NAA40: variants seen among roughly 807,000 people sequenced by gnomAD.
The protein encoded by NAA40 is N-alpha-acetyltransferase 40, NatD catalytic subunit, also known as N-alpha-acetyltransferase 40.
A neutral mutation model predicts 36.6 loss-of-function variants in NAA40; 26 were observed. That is an observed-to-expected ratio of 0.71 (90% confidence interval 0.52 to 0.98). The LOEUF (loss-of-function observed/expected upper bound fraction) is 0.98. NAA40 is among the 50% of genes least tolerant of loss of function. NAA40 has a pLI of 0.00. For missense variants in NAA40, 237 were observed against 306.5 expected, an observed-to-expected ratio of 0.77 and a Z score of 1.69; for synonymous variants, 129 against 108.4, an observed-to-expected ratio of 1.19 and a Z score of -1.18.
chr11:63,939,232 A>T, intron 1 of NAA40, 130 bp downstream of exon 1: 1 of 1,068,516 alleles, frequency 9.4e-7, no homozygotes, highest in Non-Finnish European at 1.2e-6. Flanking sequence ...TGACCCCCAC[A>T]TGACCCGACT....
chr11:63,956,058 G>A lies in NAA40; in HGVS notation c.*1579G>A, dbSNP rs1001333055. ...GATTCCTGCTTGTGCAGGAGCCTGT[G>A]TACACAGGGCCTCCCTCACCCAGCC... On this transcript the variant is annotated 3_prime_UTR_variant, in exon 8 of 8. Coordinates refer to ENST00000377793, the MANE Select transcript of NAA40 (RefSeq NM_024771.4). The A allele has an allele frequency of 1.2e-4, 18 of 152,716 alleles. No homozygotes were observed. The highest frequency in any genetic ancestry group is 4.1e-4 in the African/African-American group (17 of 41,434). 9.5% of individuals were successfully genotyped at this position (152,716 alleles called of 1,614,324 possible). A position where few individuals can be genotyped will look rare whatever the true frequency, so the allele number is the denominator to read the frequency against.
chr11:63,954,398 T>C lies in NAA40; in HGVS notation c.633T>C (p.Tyr211=). ...GTTGCTGTGGGGAGGATTGCTCCTA[T>C]GAGATCCTGAGCCGGAGGACCAAGT... ...MSGCCGEDCS[Y]EILSRRTKFG... Residue 211 remains tyrosine (Y), a synonymous_variant, in exon 8 of 8, where the codon TAT becomes TAC. Coordinates refer to ENST00000377793, the MANE Select transcript of NAA40 (RefSeq NM_024771.4). The C allele has an allele frequency of 1.2e-6, 2 of 1,610,540 alleles. No individual in the cohort carries two copies. The highest frequency in any genetic ancestry group is 1.7e-6 in the Non-Finnish European group (2 of 1,177,296).
intron 3 of NAA40, 79 bp from the exon 4 acceptor site, chr11:63,952,159 T>C (rs1456682412): frequency 4.4e-6 from 5 of 1,133,874 alleles, no homozygotes; most frequent in African/African-American, 1.5e-5. Context: ...CCTTCCTCCC[T>C]GTGATTCTGA....
chr11:63,939,023 G>A lies in NAA40; in HGVS notation c.-74G>A, dbSNP rs1942060850. The A allele has an allele frequency of 3.9e-6, 6 of 1,524,360 alleles. No homozygotes were observed. The highest frequency in any genetic ancestry group is 4.5e-6 in the Non-Finnish European group (5 of 1,119,684). 94.4% of individuals were successfully genotyped at this position (1,524,360 alleles called of 1,614,324 possible). On this transcript the variant is annotated 5_prime_UTR_variant, in exon 1 of 8. Transcript: ENST00000377793. The stretch of plus-strand genomic sequence containing the variant: ...GGCCGTCCGCTCTGCTGCCGCCGCT[G>A]TTGCAGCCACCGCCGTTGCCGCCTC...
chr11:63,948,171 C>G (rs1281487151), intron 3 of NAA40, among the ~76,000 whole-genome samples: 2 of 152,118 alleles, frequency 1.3e-5, no homozygotes, highest in Non-Finnish European at 2.9e-5. Flanking sequence ...CTCTTCAGGA[C>G]TGATTATTCT....
intron 3 of NAA40, among the ~76,000 whole-genome samples, chr11:63,949,177 C>T (rs750348831): frequency 6.6e-6 from 1 of 152,038 alleles, no homozygotes; most frequent in East Asian, 1.9e-4. Flanking sequence ...CAGCAAGATC[C>T]TGTCTCAAAA....
At chr11:63,949,424 A>G (rs1485704458) in intron 3 of NAA40, among the ~76,000 whole-genome samples, 3 of 152,150 alleles carry the variant, frequency 2.0e-5, no homozygotes, top group Non-Finnish European at 4.4e-5. Context: ...ATCGTACCCA[A>G]TAGGTAAATT....
At position 63,939,014 on chromosome 11, in the gene NAA40, G is replaced by A. The variant is rs1590746627; in HGVS notation, c.-83G>A. The A allele has an allele frequency of 2.1e-6, 3 of 1,419,026 alleles. No individual in the cohort carries two copies. The highest frequency in any genetic ancestry group is 1.9e-6 in the Non-Finnish European group (2 of 1,030,966). 87.9% of individuals were successfully genotyped at this position (1,419,026 alleles called of 1,614,324 possible). On this transcript the variant is annotated 5_prime_UTR_variant, in exon 1 of 8. Transcript: ENST00000377793. ...GCGTTGCAGGGCCGTCCGCTCTGCT[G>A]CCGCCGCTGTTGCAGCCACCGCCGT...
At chr11:63,949,752 T>TC (rs982772815) in intron 3 of NAA40, among the ~76,000 whole-genome samples, 2 of 149,672 alleles carry the variant, frequency 1.3e-5, no homozygotes, top group African/African-American at 4.9e-5. Context: ...TGTTTTTTTT[T>TC]TTTTTTTTTT....
Position 63,957,022 on chromosome 11 carries a change from GTGTTT to G in NAA40, c.*2549_*2553del, listed in dbSNP as rs1378810774. 1 of 151,082 alleles carries G rather than the reference GTGTTT, an allele frequency of 6.6e-6. No individual in the cohort carries two copies. 9.4% of individuals were successfully genotyped at this position (151,082 alleles called of 1,614,324 possible). A position where few individuals can be genotyped will look rare whatever the true frequency, so the allele number is the denominator to read the frequency against. On this transcript the variant is annotated 3_prime_UTR_variant, in exon 8 of 8. Transcript: ENST00000377793. ...GCAGGCCTTTTTTACCAGGCTTTTT[GTGTTT>G]TGTTTGTTTGTTTGGAGCATGTTAA... is the stretch of plus-strand genomic sequence containing the variant.
chr11:63,942,264 A>G (rs1209588907), intron 1 of NAA40, among the ~76,000 whole-genome samples: 1 of 152,172 alleles, frequency 6.6e-6, no homozygotes, highest in African/African-American at 2.4e-5. Flanking sequence ...CAGGTTTCTC[A>G]TCAAAGAAGT....
At position 63,939,031 on chromosome 11, in the gene NAA40, C is replaced by T. The variant is rs1942061365; in HGVS notation, c.-66C>T. 3.8e-6 allele frequency: 6 copies of T among 1,581,194 alleles called. No homozygotes were observed. The highest frequency in any genetic ancestry group is 5.2e-6 in the Non-Finnish European group (6 of 1,162,376). On this transcript the variant is annotated 5_prime_UTR_variant, in exon 1 of 8. Transcript: ENST00000377793. ...GCTCTGCTGCCGCCGCTGTTGCAGC[C>T]ACCGCCGTTGCCGCCTCCCTGCCGG...
chr11:63,953,880 T>G (rs1031195652), intron 6 of NAA40, 92 bp from the exon 7 acceptor site: 1 of 1,085,586 alleles, frequency 9.2e-7, no homozygotes, highest in Non-Finnish European at 1.4e-6. Context: ...TCCTCCCACC[T>G]TTGCCCCTCA....
rs369411771 is a variant in NAA40 at position 63,952,729 on chromosome 11, G to A, written c.411-27G>A. ...AGCCTCTTCATGTCCCATCCTGCAC[G>A]CTCACCTCTCTGCTTTCTTCACCTA... On this transcript the variant is annotated intron_variant, in intron 5 of 7. Transcript: ENST00000377793. 1.3e-3 allele frequency: 2,081 copies of A among 1,613,356 alleles called. 38 individuals are homozygous for A. In the South Asian group the frequency reaches 0.022, roughly 17 times the overall value.
intron 1 of NAA40, among the ~76,000 whole-genome samples, chr11:63,945,606 G>A (rs1388726683): frequency 6.6e-6 from 1 of 152,058 alleles, no homozygotes; most frequent in Non-Finnish European, 1.5e-5. Flanking sequence ...GTGTCAGGAC[G>A]GCCAGTGCTC....
At chr11:63,944,918 A>AG (rs1942162303) in intron 1 of NAA40, among the ~76,000 whole-genome samples, 1 of 149,934 alleles carries the variant, frequency 6.7e-6, no homozygotes, top group African/African-American at 2.5e-5. Flanking sequence ...AAAAAAAAAA[A>AG]GAAGAGAAAA....
rs780669230 is a variant in NAA40, at chr11:63,952,230, C to A, written c.156-8C>A. ...ACCAATTCCGTACACGTCCTGTCCT[C>A]TTCTCAGGTTGAATGTCTCCATTGA... On this transcript the variant is annotated splice_region_variant and splice_polypyrimidine_tract_variant and intron_variant, in intron 3 of 7. Transcript: ENST00000377793. 1 of 1,604,442 alleles carries A rather than the reference C, an allele frequency of 6.2e-7. No individual in the cohort carries two copies. The highest frequency in any genetic ancestry group is 1.7e-5 in the Admixed American group (1 of 59,500).
chr11:63,942,726 T>G (rs895671804), intron 1 of NAA40, among the ~76,000 whole-genome samples: 1 of 152,220 alleles, frequency 6.6e-6, no homozygotes, highest in Admixed American at 6.5e-5. Context: ...CTTTTCCTAG[T>G]GCGGCCCCTC....
intron 3 of NAA40, among the ~76,000 whole-genome samples, chr11:63,950,122 GTTT>G (rs10708670): frequency 3.1e-5 from 4 of 129,262 alleles, no homozygotes; most frequent in Non-Finnish European, 3.3e-5. Context: ...GGTTTTTTTT[GTTT>G]TTTTTTTTTT....
Sources: gnomAD v4.1 joint callset for allele counts (sites outside exome capture counted in the v4.1 genomes callset) on GRCh38, gnomAD v4.1.1 for gene constraint, MANE v1.5 for transcripts, NCBI Gene and HGNC (gene_info 2026-07-23, HGNC 2026-07-21) for gene names.